The following PHF2 variants were observed in gnomAD, a reference collection of about 807,000 sequenced individuals.
The protein encoded by PHF2 is PHD finger protein 2, also known as lysine-specific demethylase PHF2.
In PHF2, 27 loss-of-function variants were observed where a neutral mutation model predicts 120.5. The ratio of observed to expected loss-of-function variants is 0.22; its 90% confidence interval spans 0.17 to 0.31. PHF2 has a LOEUF of 0.31. Among genes scored for constraint, PHF2 ranks in the 10% least tolerant of loss-of-function variants. The probability of loss-of-function intolerance (pLI) is 1.00; values close to 1 mark genes in which losing one functional copy is unlikely to be tolerated. For synonymous variants in PHF2, 568 were observed against 592.5 expected (o/e 0.96, Z 0.60); for missense variants, 1,024 against 1,434.8 (o/e 0.71, Z 4.63).
intron 17 of PHF2, among the ~76,000 whole-genome samples, chr9:93,669,903 T>C (rs1826751262): frequency 6.6e-6 from 1 of 152,108 alleles, no homozygotes; most frequent in Non-Finnish European, 1.5e-5. Context: ...GTAACAGAGG[T>C]GGGCACAGGC....
intron 1 of PHF2, 58 bp downstream of exon 1, chr9:93,576,929 C>A: frequency 1.3e-6 from 1 of 756,108 alleles, no homozygotes; most frequent in Non-Finnish European, 1.6e-6. Context: ...CTTGCCCGAC[C>A]GAGCCCCGCG....
chr9:93,629,929 T>C, intron 1 of PHF2, 41 bp from the exon 2 acceptor site: 1 of 1,585,124 alleles, frequency 6.3e-7, no homozygotes, highest in Non-Finnish European at 8.7e-7. Flanking sequence ...CTTGAGGGGG[T>C]GCTGAATGCC....
intron 1 of PHF2, among the ~76,000 whole-genome samples, chr9:93,603,709 G>A (rs1564377662): frequency 6.6e-6 from 1 of 152,110 alleles, no homozygotes; most frequent in Non-Finnish European, 1.5e-5. Flanking sequence ...CCACCTCAAG[G>A]TGCACATTCA....
intron 1 of PHF2, among the ~76,000 whole-genome samples, chr9:93,588,687 C>G (rs1201833531): frequency 6.6e-6 from 1 of 152,076 alleles, no homozygotes; most frequent in Admixed American, 6.6e-5. Flanking sequence ...GTCAGGAGTT[C>G]GAGACCAGCC....
At chr9:93,670,651 G>T (rs1826764648) in intron 17 of PHF2, among the ~76,000 whole-genome samples, 2 of 152,200 alleles carry the variant, frequency 1.3e-5, no homozygotes, top group Admixed American at 6.5e-5. Flanking sequence ...GGCCTTGGGG[G>T]TCCTTGCTGT....
chr9:93,625,258 C>G (rs1326579697), intron 1 of PHF2, among the ~76,000 whole-genome samples: 7 of 152,298 alleles, frequency 4.6e-5, no homozygotes, highest in African/African-American at 7.2e-5. Flanking sequence ...ATGCTTCTTT[C>G]ATTTAGTATA....
intron 1 of PHF2, among the ~76,000 whole-genome samples, chr9:93,584,325 A>G (rs140292074): frequency 0.016 from 2,480 of 152,236 alleles, 46 homozygotes; most frequent in Middle Eastern, 0.037. Context: ...ACAATCCAAG[A>G]TTATAATTAC....
At chr9:93,602,203 C>T (rs184010633) in intron 1 of PHF2, among the ~76,000 whole-genome samples, 6 of 144,054 alleles carry the variant, frequency 4.2e-5, no homozygotes, top group Admixed American at 2.8e-4. Flanking sequence ...GTAAATTGTT[C>T]GTTGAGTTTT....
At chr9:93,633,115 G>T (rs1826027679) in intron 2 of PHF2, among the ~76,000 whole-genome samples, 1 of 152,232 alleles carries the variant, frequency 6.6e-6, no homozygotes, top group Non-Finnish European at 1.5e-5. Flanking sequence ...TAGCCTGCGG[G>T]TGGGGATGGG....
rs778816570 is a variant in PHF2, at chr9:93,674,910, C to T, written c.2627-17C>T. On this transcript the variant is annotated splice_polypyrimidine_tract_variant and intron_variant, in intron 18 of 21. Transcript: ENST00000359246. ...CCTGCACTCAGCGGGCCACGCCTTC[C>T]CTCTGCCTCCCTCTAGTTTACCCCT... The T allele has an allele frequency of 8.7e-6, 14 of 1,601,528 alleles. No individual in the cohort carries two copies. The African/African-American group carries it at 1.1e-4, about 12-fold the overall frequency.
intron 1 of PHF2, among the ~76,000 whole-genome samples, chr9:93,587,256 A>AGCCCTGGGTGAGGGATGACGGAG (rs1564371825): frequency 4.0e-5 from 4 of 100,780 alleles, no homozygotes; most frequent in Non-Finnish European, 6.0e-5. Flanking sequence ...GGATGATGGA[A>AGCCCTGGGTGAGGGATGACGGAG]GAGCCCTGGG....
At position 93,673,812 on chromosome 9, in the gene PHF2, A is replaced by C; in HGVS notation, c.2576A>C (p.Tyr859Ser). The change falls in exon 18 of 22, where the codon TAC (tyrosine) becomes TCC (serine). Residue 859 changes from tyrosine (Y) to serine (S), a missense_variant. By Grantham distance (144) the Tyr-to-Ser change is moderately radical. Coordinates refer to ENST00000359246, the MANE Select transcript of PHF2 (RefSeq NM_005392.4). ...AAKNSVDLDD[Y>S]EEEQDHLDAC... ...AAGAACAGTGTCGACCTGGACGACTACGAGGAAGAGCAGGACCACCTGGAT... is the reference window on the plus strand; with the variant it reads ...AAGAACAGTGTCGACCTGGACGACTCCGAGGAAGAGCAGGACCACCTGGAT... The C allele has an allele frequency of 6.2e-7, 1 of 1,610,934 alleles. No homozygotes were observed. Among genetic ancestry groups the C allele is most frequent in the South Asian group, 1.1e-5 (1 of 90,826 alleles).
At chr9:93,590,633 A>G (rs1351468246) in intron 1 of PHF2, among the ~76,000 whole-genome samples, 1 of 152,254 alleles carries the variant, frequency 6.6e-6, no homozygotes, top group East Asian at 1.9e-4. Context: ...ACATGGTACC[A>G]AGCATCTCCA....
Position 93,576,686 on chromosome 9 carries a change from C to A in PHF2, c.-88C>A. The A allele has an allele frequency of 3.3e-6, 1 of 300,092 alleles. No homozygotes were observed. The highest frequency in any genetic ancestry group is 4.8e-6 in the Non-Finnish European group (1 of 207,696). 18.6% of individuals were successfully genotyped at this position (300,092 alleles called of 1,614,324 possible). A position where few individuals can be genotyped will look rare whatever the true frequency, so the allele number is the denominator to read the frequency against. On this transcript the variant is annotated 5_prime_UTR_variant, in exon 1 of 22. Coordinates refer to ENST00000359246, the MANE Select transcript of PHF2 (RefSeq NM_005392.4). ...CGCCGCCTGCGCCCCGCCGCCCCCG[C>A]CGCCCCCGCGCGGCCCGGCCCCCGG...
At chr9:93,616,029 C>T (rs1459968491) in intron 1 of PHF2, among the ~76,000 whole-genome samples, 1 of 152,212 alleles carries the variant, frequency 6.6e-6, no homozygotes. Context: ...GGAAGAAAGA[C>T]ATGGCCATTG....
intron 5 of PHF2, among the ~76,000 whole-genome samples, 176 bp downstream of exon 5, chr9:93,649,388 T>TCC (rs1826320887): frequency 2.0e-5 from 3 of 149,634 alleles, no homozygotes; most frequent in African/African-American, 4.9e-5. Flanking sequence ...TTTTTTTTTT[T>TCC]TTTTTTTTTT....
chr9:93,651,114 AAG>A (rs1826362402), intron 5 of PHF2, among the ~76,000 whole-genome samples: 1 of 151,780 alleles, frequency 6.6e-6, no homozygotes, highest in Non-Finnish European at 1.5e-5. Flanking sequence ...AAAAAAAAAA[AAG>A]GTAATGGGCA....
chr9:93,633,022 G>A lies in PHF2; in HGVS notation c.184+2967G>A, dbSNP rs190825397. On this transcript the variant is annotated intron_variant, in intron 2 of 21. Coordinates refer to ENST00000359246, the MANE Select transcript of PHF2 (RefSeq NM_005392.4). ...ACACTGGGGATAAGAGGGCCACTCT[G>A]TGTCCCTGGAGAAGCTCTAAGCCAG... Among the ~76,000 whole-genome samples the A allele has an allele frequency of 4.0e-3, 613 of 152,306 alleles. 4 individuals are homozygous for A. The highest frequency in any genetic ancestry group is 6.6e-3 in the Admixed American group (101 of 15,302).
At chr9:93,642,461 T>A (rs7868191) in intron 3 of PHF2, among the ~76,000 whole-genome samples, 56,152 of 152,166 alleles carry the variant, frequency 0.37, 10,687 homozygotes, top group Non-Finnish European at 0.4. Context: ...AAATACATAC[T>A]GTCTTGTCTG....
Sources: allele counts gnomAD v4.1 joint callset (sites outside exome capture counted in the v4.1 genomes callset), GRCh38; gene constraint gnomAD v4.1.1; transcripts MANE v1.5; gene names NCBI Gene and HGNC (gene_info 2026-07-23, HGNC 2026-07-21).